NCAM2: variants seen among roughly 807,000 people sequenced by gnomAD.
NCAM2 encodes the protein neural cell adhesion molecule 2, also known as N-CAM-2.
Under a neutral mutation model 98.1 loss-of-function variants are expected in NCAM2, and 30 were observed. That is an observed-to-expected ratio of 0.31 (90% CI 0.23 to 0.41). The LOEUF is 0.41. Among genes scored for constraint, NCAM2 ranks in the 10% least tolerant of loss-of-function variants. The pLI is 1.00. For synonymous variants in NCAM2, 368 were observed against 342.4 expected, an observed-to-expected ratio of 1.07 and a Z score of -0.83; for missense variants, 867 against 1,005.8, an observed-to-expected ratio of 0.86 and a Z score of 1.87.
intron 8 of NCAM2, among the ~76,000 whole-genome samples, chr21:21,371,217 A>G (rs2075907261): frequency 6.6e-6 from 1 of 151,846 alleles, no homozygotes; most frequent in South Asian, 2.1e-4. Flanking sequence ...GACTGTAGAA[A>G]CTGGTGGATT....
chr21:21,467,168 A>C (rs2250279), intron 13 of NCAM2, among the ~76,000 whole-genome samples: 79,959 of 151,530 alleles, frequency 0.53, 22,018 homozygotes, highest in African/African-American at 0.59. Flanking sequence ...TAATTCATTA[A>C]AACAGTGACT....
intron 9 of NCAM2, among the ~76,000 whole-genome samples, chr21:21,385,303 T>C (rs1027683536): frequency 2.6e-5 from 4 of 151,824 alleles, no homozygotes; most frequent in Admixed American, 6.6e-5. Context: ...TCAGAATACT[T>C]TTGTTATGCA....
At chr21:21,488,706 G>T (rs1986597250) in intron 15 of NCAM2, among the ~76,000 whole-genome samples, 1 of 151,548 alleles carries the variant, frequency 6.6e-6, no homozygotes, top group African/African-American at 2.4e-5. Flanking sequence ...TTTCTTTAAA[G>T]GTTTAAATTT....
At chr21:21,389,944 G>T (rs944898258) in intron 9 of NCAM2, among the ~76,000 whole-genome samples, 1 of 152,070 alleles carries the variant, frequency 6.6e-6, no homozygotes, top group Non-Finnish European at 1.5e-5. Flanking sequence ...CCACCTCTCC[G>T]GTTCAAGCTA....
intron 16 of NCAM2, among the ~76,000 whole-genome samples, chr21:21,523,264 C>A (rs753392693): frequency 1.3e-5 from 2 of 152,002 alleles, no homozygotes; most frequent in African/African-American, 4.8e-5. Context: ...AATCTTTGCC[C>A]AGACCAATGT....
intron 1 of NCAM2, among the ~76,000 whole-genome samples, chr21:21,252,093 A>G (rs1386161157): frequency 1.3e-5 from 2 of 151,796 alleles, no homozygotes; most frequent in Admixed American, 6.6e-5. Context: ...ACAAGCATGG[A>G]AAAAAAAGCT....
chr21:21,051,731 C>T (rs8126476), intron 1 of NCAM2, among the ~76,000 whole-genome samples: 143,185 of 152,270 alleles, frequency 0.94, 67,941 homozygotes, highest in East Asian at 1. Flanking sequence ...GGTTTACAAC[C>T]TCTGTTGCCT....
intron 6 of NCAM2, among the ~76,000 whole-genome samples, chr21:21,326,285 G>A (rs1365280481): frequency 6.6e-6 from 1 of 152,148 alleles, no homozygotes; most frequent in African/African-American, 2.4e-5. Context: ...AAGTTTGATA[G>A]TAATTTCAGA....
chr21:21,537,133 C>G (rs1446189226), intron 17 of NCAM2, among the ~76,000 whole-genome samples: 1 of 151,824 alleles, frequency 6.6e-6, no homozygotes, highest in East Asian at 1.9e-4. Context: ...GAGTCTTGCT[C>G]TGTTGCCCAG....
At chr21:21,388,105 G>A (rs1038900098) in intron 9 of NCAM2, among the ~76,000 whole-genome samples, 3 of 152,138 alleles carry the variant, frequency 2.0e-5, no homozygotes, top group African/African-American at 7.2e-5. Flanking sequence ...GAGGCAATAA[G>A]TACAGAGAGG....
intron 1 of NCAM2, among the ~76,000 whole-genome samples, chr21:21,196,176 C>T (rs1189300155): frequency 6.6e-6 from 1 of 152,132 alleles, no homozygotes; most frequent in Non-Finnish European, 1.5e-5. Flanking sequence ...ATTTGCTGCT[C>T]CTCCTTCTGG....
chr21:21,123,132 T>A (rs2066710340), intron 1 of NCAM2, among the ~76,000 whole-genome samples: 1 of 139,694 alleles, frequency 7.2e-6, no homozygotes, highest in Admixed American at 7.6e-5. Flanking sequence ...GGGGTGCTCA[T>A]GCCTGTAATC....
intron 1 of NCAM2, among the ~76,000 whole-genome samples, chr21:21,044,034 T>TG (rs2064960789): frequency 4.5e-4 from 11 of 24,536 alleles, no homozygotes; most frequent in East Asian, 5.0e-3. Context: ...ATTTGAAGAC[T>TG]TTGTGTGTGT....
intron 1 of NCAM2, among the ~76,000 whole-genome samples, chr21:21,234,790 G>A (rs2249862): frequency 2.9e-4 from 44 of 151,562 alleles, no homozygotes; most frequent in Non-Finnish European, 5.9e-4. Context: ...ATTACCTTAC[G>A]AGAAATGCCT....
intron 1 of NCAM2, among the ~76,000 whole-genome samples, chr21:21,013,057 G>A (rs552129924): frequency 5.7e-4 from 86 of 152,102 alleles, no homozygotes; most frequent in African/African-American, 2.0e-3. Context: ...TTGAAATTAG[G>A]CCAATAAATT....
intron 1 of NCAM2, chr21:21,226,502 T>G (rs2070388958): frequency 6.6e-6 from 1 of 152,080 alleles, no homozygotes; most frequent in Admixed American, 6.6e-5. Flanking sequence ...GAAGATAGTA[T>G]TTGAATTTTA....
At chr21:21,137,359 C>G (rs1198458204) in intron 1 of NCAM2, among the ~76,000 whole-genome samples, 1 of 152,142 alleles carries the variant, frequency 6.6e-6, no homozygotes, top group Non-Finnish European at 1.5e-5. Context: ...TGTGGCATTT[C>G]ACAATACAGC....
intron 1 of NCAM2, among the ~76,000 whole-genome samples, chr21:21,262,474 C>T (rs2071943619): frequency 6.6e-6 from 1 of 151,818 alleles, no homozygotes; most frequent in Admixed American, 6.6e-5. Context: ...AAAATACTTG[C>T]AAGAAAAATC....
chr21:21,157,224 G>A (rs1229666753), intron 1 of NCAM2, among the ~76,000 whole-genome samples: 1 of 152,076 alleles, frequency 6.6e-6, no homozygotes, highest in Non-Finnish European at 1.5e-5. Flanking sequence ...CTGAATTTTG[G>A]CAAGAAGAGC....
Sources: gnomAD v4.1 joint callset for allele counts (sites outside exome capture counted in the v4.1 genomes callset) on GRCh38, gnomAD v4.1.1 for gene constraint, MANE v1.5 for transcripts, NCBI Gene and HGNC (gene_info 2026-07-23, HGNC 2026-07-21) for gene names.